Variants in BIN3 observed in about 807,000 individuals in gnomAD.
BIN3 encodes the protein bridging integrator 3.
Under a neutral mutation model 38.2 loss-of-function variants are expected in BIN3, and 41 were observed. The observed-to-expected ratio is 1.07, with a 90% CI of 0.84 to 1.39. The LOEUF (loss-of-function observed/expected upper bound fraction) is 1.39, where lower values mean the gene tolerates loss of function less well. Ranked by LOEUF, BIN3 falls within the 40% of genes most tolerant of loss-of-function variation. BIN3 has a pLI of 0.00. For synonymous variants in BIN3, 145 were observed against 122.6 expected, an observed-to-expected ratio of 1.18 and a Z score of -1.21; for missense variants, 361 against 324.3, an observed-to-expected ratio of 1.11 and a Z score of -0.87.
chr8:22,634,873 G>C (rs1228406217), intron 4 of BIN3, among the ~76,000 whole-genome samples: 1 of 152,168 alleles, frequency 6.6e-6, no homozygotes, highest in African/African-American at 2.4e-5. Context: ...AAGAGGAGCT[G>C]AACTCTTCCT....
At position 22,624,218 on chromosome 8, in the gene BIN3, G is replaced by C. The variant is rs1324678898; in HGVS notation, c.480+4C>G. 2.5e-6 allele frequency: 4 copies of C among 1,612,896 alleles called. No individual in the cohort carries two copies. In the South Asian group the frequency reaches 3.3e-5, roughly 13 times the overall value. On this transcript the variant is annotated splice_donor_region_variant and intron_variant, in intron 7 of 8. Coordinates refer to ENST00000276416, the MANE Select transcript of BIN3 (RefSeq NM_018688.6). ...AGCCCCTGCCCACCTGTCTCCCCTGGTACCTGGTGGAGCTTGGCCAGCACT... is the reference window on the plus strand; with the variant it reads ...AGCCCCTGCCCACCTGTCTCCCCTGCTACCTGGTGGAGCTTGGCCAGCACT...
intron 1 of BIN3, among the ~76,000 whole-genome samples, chr8:22,649,487 A>G (rs532804230): frequency 2.5e-3 from 385 of 152,192 alleles, no homozygotes; most frequent in African/African-American, 8.9e-3. Flanking sequence ...GGTATAAGGG[A>G]GGAAAAGGAG....
chr8:22,645,185 C>T (rs1044041539), intron 1 of BIN3, among the ~76,000 whole-genome samples: 88 of 151,520 alleles, frequency 5.8e-4, no homozygotes, highest in Non-Finnish European at 1.0e-3. Flanking sequence ...AAAAAAAATC[C>T]GCTGGGTATG....
intron 6 of BIN3, among the ~76,000 whole-genome samples, chr8:22,627,402 C>T (rs1421212884): frequency 1.3e-5 from 2 of 152,220 alleles, no homozygotes; most frequent in African/African-American, 4.8e-5. Context: ...AGCAACAGAA[C>T]AGACTTTGCC....
chr8:22,653,695 T>C (rs1001501645), intron 1 of BIN3, among the ~76,000 whole-genome samples: 2 of 152,186 alleles, frequency 1.3e-5, no homozygotes, highest in African/African-American at 4.8e-5. Flanking sequence ...AAAGCAGGAA[T>C]GAAGACAGAG....
intron 4 of BIN3, among the ~76,000 whole-genome samples, chr8:22,634,079 C>T (rs1213234314): frequency 2.6e-5 from 4 of 152,250 alleles, no homozygotes; most frequent in Non-Finnish European, 5.9e-5. Flanking sequence ...CACACCCTGG[C>T]TTCGTTTATG....
At chr8:22,628,744 G>A (rs1293592373) in intron 6 of BIN3, among the ~76,000 whole-genome samples, 2 of 152,194 alleles carry the variant, frequency 1.3e-5, no homozygotes, top group Non-Finnish European at 2.9e-5. Flanking sequence ...CCGTCTCTGG[G>A]ACCCCTGTGG....
rs779381960 is a variant in BIN3, at chr8:22,624,189, G to A, written c.480+33C>T. On this transcript the variant is annotated intron_variant, in intron 7 of 8. Transcript: ENST00000276416. ...CACAGGTGACCACGATGGCCCACCT[G>A]TCTAGCCCCTGCCCACCTGTCTCCC... 9 of 1,606,412 alleles carry A rather than the reference G, an allele frequency of 5.6e-6. No individual in the cohort carries two copies. In the Admixed American group the frequency reaches 1.5e-4, roughly 27 times the overall value.
intron 1 of BIN3, among the ~76,000 whole-genome samples, chr8:22,659,472 A>T (rs1443366018): frequency 6.6e-6 from 1 of 152,212 alleles, no homozygotes; most frequent in African/African-American, 2.4e-5. Context: ...ACCGCTCCAC[A>T]GGCTGACCTC....
intron 4 of BIN3, among the ~76,000 whole-genome samples, chr8:22,634,902 G>C (rs1802321289): frequency 6.6e-6 from 1 of 152,168 alleles, no homozygotes; most frequent in Admixed American, 6.5e-5. Flanking sequence ...AAATGGACAT[G>C]CCCATTTATA....
At position 22,620,942 on chromosome 8, in the gene BIN3, G is replaced by C. The variant is rs1801772419; in HGVS notation, c.*480C>G. Reference sequence around the variant, plus strand: ...TGGGAAGCTGGCTGAGGGCCTGCCAGGGCTGGAGGACCAGCTCTCCCGCAC... The same window carrying C: ...TGGGAAGCTGGCTGAGGGCCTGCCACGGCTGGAGGACCAGCTCTCCCGCAC... On this transcript the variant is annotated 3_prime_UTR_variant, in exon 9 of 9. Coordinates refer to ENST00000276416, the MANE Select transcript of BIN3 (RefSeq NM_018688.6). The C allele has an allele frequency of 6.5e-6, 1 of 153,230 alleles. No homozygotes were observed. Among genetic ancestry groups the C allele is most frequent in the Admixed American group, 6.5e-5 (1 of 15,364 alleles). The allele number at this position is 153,230 out of a possible 1,614,324, so 9.5% of individuals were successfully genotyped here.
chr8:22,629,771 G>A (rs2117514508), intron 6 of BIN3, 193 bp downstream of exon 6: 4 of 623,026 alleles, frequency 6.4e-6, no homozygotes, highest in East Asian at 2.7e-5. Flanking sequence ...CCTGGGCCAT[G>A]TGGGTACTCT....
intron 1 of BIN3, among the ~76,000 whole-genome samples, chr8:22,657,058 T>C (rs1234259730): frequency 6.6e-6 from 1 of 152,248 alleles, no homozygotes; most frequent in Non-Finnish European, 1.5e-5. Flanking sequence ...AGGACACATT[T>C]GTTAAGGGCC....
chr8:22,667,970 G>C (rs1803479745), intron 1 of BIN3, among the ~76,000 whole-genome samples: 1 of 152,186 alleles, frequency 6.6e-6, no homozygotes, highest in Non-Finnish European at 1.5e-5. Context: ...TTCATAACTG[G>C]TTATCATGCG....
chr8:22,624,662 G>T (rs951098282), intron 6 of BIN3: 2 of 334,172 alleles, frequency 6.0e-6, no homozygotes, highest in Non-Finnish European at 1.1e-5. Flanking sequence ...TTGTGGGCCA[G>T]GTCCAGGGAG....
chr8:22,624,103 G>A (rs910895435), intron 7 of BIN3, 54 bp from the exon 8 acceptor site: 18 of 1,597,210 alleles, frequency 1.1e-5, no homozygotes, highest in South Asian at 6.7e-5. Flanking sequence ...TGCCGGATAC[G>A]GGATGGGTGG....
At chr8:22,636,437 C>T in intron 4 of BIN3, 88 bp downstream of exon 4, 1 of 1,398,484 alleles carries the variant, frequency 7.2e-7, no homozygotes, top group Non-Finnish European at 9.9e-7. Flanking sequence ...AGCGCAGCAA[C>T]TTCAGAGCCC....
rs777215093 is a variant in BIN3, at chr8:22,624,278, C to A, written c.424G>T (p.Val142Leu). 1 of 1,613,990 alleles carries A rather than the reference C, an allele frequency of 6.2e-7. No homozygotes were observed. Among genetic ancestry groups the A allele is most frequent in the Non-Finnish European group, 8.5e-7 (1 of 1,179,894 alleles). ...TTCTCCTTTTCCTCATACTTCTCCA[C>A]CTTGGCCTGCAGCCTCCTGTAGTCC... ...LQDYRRLQAK[V>L]EKYEEKEKTG... is the part of the protein sequence containing the mutation. Residue 142 changes from valine to leucine, a missense_variant, in exon 7 of 9, where the codon GTG (valine) becomes TTG (leucine). Transcript: ENST00000276416.
chr8:22,656,434 C>T lies in BIN3; in HGVS notation c.9-11631G>A, dbSNP rs539057111. 2.0e-5 allele frequency among the ~76,000 whole-genome samples: 3 copies of T among 152,184 alleles called. No individual in the cohort carries two copies. The South Asian group carries it at 6.2e-4, about 32-fold the overall frequency. On this transcript the variant is annotated intron_variant, in intron 1 of 8. Transcript: ENST00000276416. ...TGAAACCAGTCACCATGTCTACATACTTCATTTATATAGCCTAAGAAATTC... is the reference window on the plus strand; with the variant it reads ...TGAAACCAGTCACCATGTCTACATATTTCATTTATATAGCCTAAGAAATTC...
Sources: allele counts gnomAD v4.1 joint callset (sites outside exome capture counted in the v4.1 genomes callset), GRCh38; gene constraint gnomAD v4.1.1; transcripts MANE v1.5; gene names NCBI Gene and HGNC (gene_info 2026-07-23, HGNC 2026-07-21).